The following NSD2 variants were observed in gnomAD, a reference collection of about 807,000 sequenced individuals.
NSD2 encodes the protein nuclear receptor binding SET domain protein 2, also known as histone-lysine N-methyltransferase NSD2.
Under a neutral mutation model 139.0 loss-of-function variants are expected in NSD2, and 12 were observed. The ratio of observed to expected loss-of-function variants is 0.09; its 90% CI spans 0.06 to 0.14. The LOEUF is 0.14. NSD2 is among the 10% of genes least tolerant of loss of function. NSD2 has a pLI of 1.00. For missense variants in NSD2, 1,155 were observed against 1,745.0 expected (o/e 0.66, Z 6.02); for synonymous variants, 669 against 648.7 (o/e 1.03, Z -0.48).
intron 11 of NSD2, chr4:1,952,813 C>T (rs938098208): frequency 5.0e-6 from 6 of 1,192,204 alleles, no homozygotes; most frequent in Non-Finnish European, 6.3e-6. Flanking sequence ...ACAGCCGTGG[C>T]CCTTCCTGCC....
intron 15 of NSD2, among the ~76,000 whole-genome samples, chr4:1,957,111 G>A (rs1724897150): frequency 6.6e-6 from 1 of 152,152 alleles, no homozygotes; most frequent in Admixed American, 6.5e-5. Flanking sequence ...TGGCTGACTT[G>A]GGGCTGCAAA....
Position 1,958,171 on chromosome 4 carries a change from G to A in NSD2, c.2985+135G>A. On this transcript the variant is annotated intron_variant, in intron 16 of 21. Transcript: ENST00000508803. The surrounding 1 kb of genome is among the most constrained non-coding windows in gnomAD (Gnocchi z 4.6). ...AGGATCTGTGGTGCCTGGCATGGAT[G>A]GCCACACAAGAGACCATGAGCAAAT... 1 of 836,150 alleles carries A rather than the reference G, an allele frequency of 1.2e-6. No homozygotes were observed. The highest frequency in any genetic ancestry group is 1.9e-6 in the Non-Finnish European group (1 of 527,082). The allele number at this position is 836,150 out of a possible 1,614,324, so 51.8% of individuals were successfully genotyped here. A position where few individuals can be genotyped will look rare whatever the true frequency, so the allele number is the denominator to read the frequency against.
In NSD2 at chr4:1,872,175, C is replaced by T. The variant is rs577933474; in HGVS notation, c.-30+633C>T. On this transcript the variant is annotated intron_variant, in intron 1 of 21. Coordinates refer to ENST00000508803, the MANE Select transcript of NSD2 (RefSeq NM_001042424.3). Reference sequence around the variant, plus strand: ...CTCCCCCGGGAAGCCGGGCCGCGGTCCGGCCCTTGGCAGGTGGAGGCGGGG... The same window carrying T: ...CTCCCCCGGGAAGCCGGGCCGCGGTTCGGCCCTTGGCAGGTGGAGGCGGGG... 1.5e-3 allele frequency among the ~76,000 whole-genome samples: 223 copies of T among 152,196 alleles called. 3 individuals carry two copies. Among genetic ancestry groups the T allele is most frequent in the African/African-American group, 5.2e-3 (217 of 41,560 alleles).
In NSD2 at chr4:1,939,876, G is replaced by T. The variant is rs1471861459; in HGVS notation, c.1881+98G>T. On this transcript the variant is annotated intron_variant, in intron 9 of 21. Transcript: ENST00000508803. ...GTAATGCTCAGACTTCATAAGCGCA[G>T]CATTGGTGCTCACTGCCAGTGCAGA... The T allele has an allele frequency of 2.5e-6, 4 of 1,592,488 alleles. No homozygotes were observed. The Admixed American group carries it at 6.8e-5, about 27-fold the overall frequency.
intron 17 of NSD2, 95 bp from the exon 18 acceptor site, chr4:1,960,940 C>T: frequency 1.1e-6 from 1 of 888,972 alleles, no homozygotes; most frequent in Non-Finnish European, 1.8e-6. Context: ...GTGTGTGGTG[C>T]CCGTTCTAAG....
intron 21 of NSD2, among the ~76,000 whole-genome samples, chr4:1,977,504 G>A (rs189027904): frequency 6.0e-4 from 92 of 152,284 alleles, no homozygotes; most frequent in Non-Finnish European, 1.1e-3. Flanking sequence ...GGCCAGGTGC[G>A]GGGGCTCATG....
At position 1,950,579 on chromosome 4, in the gene NSD2, C is replaced by G. The variant is rs150665818; in HGVS notation, c.1882-493C>G. Among the ~76,000 whole-genome samples the G allele has an allele frequency of 4.8e-3, 730 of 152,326 alleles. 1 individual carries two copies. Among genetic ancestry groups the G allele is most frequent in the Non-Finnish European group, 8.5e-3 (576 of 68,030 alleles). On this transcript the variant is annotated intron_variant, in intron 9 of 21. Transcript: ENST00000508803. ...ACATACTTCTGAAAGGACGCATGGT[C>G]TCCACCCCGGCGGCAGCTGGACTGC...
At chr4:1,882,918 A>C (rs759652319) in intron 1 of NSD2, among the ~76,000 whole-genome samples, 4 of 152,204 alleles carry the variant, frequency 2.6e-5, no homozygotes, top group South Asian at 4.2e-4. Flanking sequence ...CCTTGAGTTG[A>C]GAGCTACTGT....
At position 1,980,273 on chromosome 4, in the gene NSD2, T is replaced by G. The variant is rs1234844972; in HGVS notation, c.*1364T>G. On this transcript the variant is annotated 3_prime_UTR_variant, in exon 22 of 22. Transcript: ENST00000508803. The stretch of plus-strand genomic sequence containing the variant: ...CTACATATGTTTTAAGACTTGGTTC[T>G]TTTTTTGAGGGATCCTTGACCCTGG... 5 of 232,874 alleles carry G rather than the reference T, an allele frequency of 2.1e-5. No individual in the cohort carries two copies. Among genetic ancestry groups the G allele is most frequent in the Admixed American group, 5.6e-5 (1 of 17,770 alleles). 14.4% of individuals were successfully genotyped at this position (232,874 alleles called of 1,614,324 possible). A position where few individuals can be genotyped will look rare whatever the true frequency, so the allele number is the denominator to read the frequency against.
At chr4:1,952,620 A>G in intron 11 of NSD2, 1 of 808,860 alleles carries the variant, frequency 1.2e-6, no homozygotes, top group Non-Finnish European at 1.6e-6. Flanking sequence ...CCGAACACTG[A>G]AGTCCATAGG....
At chr4:1,941,243 G>C (rs1723059955) in intron 9 of NSD2, 1 of 1,056,696 alleles carries the variant, frequency 9.5e-7, no homozygotes, top group Non-Finnish European at 1.1e-6. Flanking sequence ...CTTAAGTTGA[G>C]ATTTTTGCTT....
Position 1,956,430 on chromosome 4 carries a change from A to G in NSD2, c.2881+242A>G, listed in dbSNP as rs980688697. ...TTAAAATTCTGTAAACCTATTATTC[A>G]GAAATTATTTTTAATACTAATTTAC... On this transcript the variant is annotated intron_variant, in intron 15 of 21. Coordinates refer to ENST00000508803, the MANE Select transcript of NSD2 (RefSeq NM_001042424.3). The surrounding 1 kb of genome is among the most constrained non-coding windows in gnomAD (Gnocchi z 5.3). Among the ~76,000 whole-genome samples, 4 of 152,230 alleles carry G rather than the reference A, an allele frequency of 2.6e-5. No homozygotes were observed. Among genetic ancestry groups the G allele is most frequent in the African/African-American group, 9.7e-5 (4 of 41,442 alleles).
At chr4:1,883,297 T>C (rs2108681093) in intron 1 of NSD2, among the ~76,000 whole-genome samples, 2 of 152,210 alleles carry the variant, frequency 1.3e-5, no homozygotes, top group Admixed American at 1.3e-4. Flanking sequence ...AGTTTCTCAA[T>C]GAACCCCACC....
chr4:1,961,106 A>G lies in NSD2; in HGVS notation c.3327A>G (p.Ala1109=), dbSNP rs764366426. 6.2e-7 allele frequency: 1 copy of G among 1,613,672 alleles called. No homozygotes were observed. Among genetic ancestry groups the G allele is most frequent in the Non-Finnish European group, 8.5e-7 (1 of 1,179,608 alleles). ...EEECMARIKH[A]HENDITHFYM... ...AGTGCATGGCGAGAATCAAGCACGC[A>G]CACGAGAACGACATCACCCACTTCT... is the stretch of plus-strand genomic sequence containing the variant. Residue 1109 remains alanine (A), a synonymous_variant, in exon 18 of 22, where the codon GCA becomes GCG. Transcript: ENST00000508803.
At chr4:1,902,610 G>T (rs1400608247) in intron 2 of NSD2, among the ~76,000 whole-genome samples, 1 of 152,062 alleles carries the variant, frequency 6.6e-6, no homozygotes, top group Non-Finnish European at 1.5e-5. Flanking sequence ...CAGAGTCCTA[G>T]CTGTTTTGTT....
At chr4:1,934,299 G>A (rs894680956) in intron 6 of NSD2, among the ~76,000 whole-genome samples, 20 of 151,318 alleles carry the variant, frequency 1.3e-4, no homozygotes, top group Admixed American at 1.2e-3. Context: ...TGGTCAGGCT[G>A]GTCTCAAACT....
chr4:1,903,497 T>C (rs1290292442), intron 2 of NSD2, among the ~76,000 whole-genome samples: 1 of 152,170 alleles, frequency 6.6e-6, no homozygotes, highest in Non-Finnish European at 1.5e-5. Flanking sequence ...ATGGTTCATG[T>C]TGGTGACACA....
chr4:1,947,725 CTTTACAAAACCATCAT>C, intron 9 of NSD2: 44 of 1,052,888 alleles, frequency 4.2e-5, no homozygotes, highest in Non-Finnish European at 5.0e-5. Flanking sequence ...CAGCTTCCTT[CTTTACAAAACCATCAT>C]TTCAACATGA....
chr4:1,888,013 C>T (rs1258479585), intron 1 of NSD2, among the ~76,000 whole-genome samples: 9 of 152,060 alleles, frequency 5.9e-5, no homozygotes, highest in African/African-American at 2.2e-4. Flanking sequence ...TCATCTTCTG[C>T]GATGGACCAT....
Sources: allele counts gnomAD v4.1 joint callset (sites outside exome capture counted in the v4.1 genomes callset), GRCh38; gene constraint gnomAD v4.1.1; non-coding constraint Gnocchi (gnomAD v3.1); transcripts MANE v1.5; gene names NCBI Gene and HGNC (gene_info 2026-07-23, HGNC 2026-07-21).